The following MACROD2 variants were observed in gnomAD, a reference collection of about 807,000 sequenced individuals.
MACROD2 encodes the protein ADP-ribose glycohydrolase MACROD2.
In MACROD2, 36 loss-of-function variants were observed where a neutral mutation model predicts 70.4. The ratio of observed to expected loss-of-function variants is 0.51; its 90% CI spans 0.39 to 0.68. The LOEUF (loss-of-function observed/expected upper bound fraction) is 0.68, where lower values mean the gene tolerates loss of function less well. Ranked by LOEUF, MACROD2 falls within the 30% of genes least tolerant of loss-of-function variation. The pLI is 0.00. For synonymous variants in MACROD2, 172 were observed against 178.8 expected (o/e 0.96, Z 0.30); for missense variants, 496 against 538.4 (o/e 0.92, Z 0.78).
chr20:15,896,042 T>C (rs149170142), intron 10 of MACROD2, among the ~76,000 whole-genome samples: 269 of 152,358 alleles, frequency 1.8e-3, no homozygotes, highest in Non-Finnish European at 2.6e-3. Context: ...CAATCATTCT[T>C]TCCTAGTGGA....
chr20:14,747,189 G>A (rs780728852), intron 5 of MACROD2, among the ~76,000 whole-genome samples: 78 of 152,238 alleles, frequency 5.1e-4, no homozygotes, highest in Non-Finnish European at 1.0e-3. Flanking sequence ...CTGTCAGTAG[G>A]AGTGAGAACT....
At chr20:15,148,807 G>A (rs1440831584) in intron 5 of MACROD2, among the ~76,000 whole-genome samples, 1 of 152,036 alleles carries the variant, frequency 6.6e-6, no homozygotes, top group African/African-American at 2.4e-5. Context: ...TGAGCTTGGT[G>A]AGGTGTGTTT....
intron 5 of MACROD2, among the ~76,000 whole-genome samples, chr20:15,165,400 G>A (rs1265851908): frequency 6.6e-6 from 1 of 152,228 alleles, no homozygotes; most frequent in Non-Finnish European, 1.5e-5. Context: ...AGGTTGCAGT[G>A]AGCCAAGATT....
chr20:15,497,325 C>A (rs569668172), intron 7 of MACROD2, among the ~76,000 whole-genome samples: 1 of 151,966 alleles, frequency 6.6e-6, no homozygotes, highest in Admixed American at 6.6e-5. Flanking sequence ...CAGAGTCTTG[C>A]TCTGTTGCCC....
At chr20:15,498,474 GA>G (rs1286651223) in intron 7 of MACROD2, among the ~76,000 whole-genome samples, 4 of 152,004 alleles carry the variant, frequency 2.6e-5, no homozygotes, top group Non-Finnish European at 5.9e-5. Flanking sequence ...GCCGTATAAG[GA>G]AAAAAAGAGG....
At chr20:15,434,410 G>C in intron 7 of MACROD2, among the ~76,000 whole-genome samples, 1 of 143,570 alleles carries the variant, frequency 7.0e-6, no homozygotes, top group South Asian at 2.1e-4. Context: ...CAACAAACAT[G>C]TGAAAAAATG....
Position 15,175,447 on chromosome 20 carries a change from TA to T in MACROD2, c.419-54486del, listed in dbSNP as rs1158022760. ...GTATAATAATAATAAAAATAAAATT[TA>T]AAAAAAGATATGCATGGCAAACTTT... On this transcript the variant is annotated intron_variant, in intron 5 of 17. Transcript: ENST00000684519. Among the ~76,000 whole-genome samples the T allele has an allele frequency of 1.5e-4, 23 of 151,592 alleles. 2 individuals carry two copies. The South Asian group carries it at 4.0e-3, about 26-fold the overall frequency.
intron 5 of MACROD2, among the ~76,000 whole-genome samples, chr20:15,095,038 A>G (rs967064470): frequency 2.8e-4 from 29 of 104,328 alleles, no homozygotes; most frequent in African/African-American, 1.0e-3. Flanking sequence ...AATCATTGTT[A>G]TATCTTTTCA....
intron 4 of MACROD2, among the ~76,000 whole-genome samples, chr20:14,608,777 G>C (rs1045005196): frequency 6.6e-6 from 1 of 152,124 alleles, no homozygotes; most frequent in Admixed American, 6.6e-5. Flanking sequence ...AAAATTGAAT[G>C]GGTAATTGGG....
chr20:14,820,773 A>C (rs774206224), intron 5 of MACROD2, among the ~76,000 whole-genome samples: 3 of 151,938 alleles, frequency 2.0e-5, no homozygotes. Context: ...ATTGATTCAT[A>C]GGGATTTTAC....
chr20:15,000,629 C>CAAAAAAAAA lies in MACROD2; in HGVS notation c.419-229287_419-229279dup, dbSNP rs398040701. 6.8e-4 allele frequency among the ~76,000 whole-genome samples: 15 copies of CAAAAAAAAA among 21,980 alleles called. 1 individual carries two copies. Among genetic ancestry groups the CAAAAAAAAA allele is most frequent in the African/African-American group, 1.2e-3 (5 of 4,160 alleles). 14.4% of individuals were successfully genotyped at this position (21,980 alleles called of 152,430 possible). A position where few individuals can be genotyped will look rare whatever the true frequency, so the allele number is the denominator to read the frequency against. On this transcript the variant is annotated intron_variant, in intron 5 of 17. Coordinates refer to ENST00000684519, the MANE Select transcript of MACROD2 (RefSeq NM_001351661.2). ...TGGGCGACAGAGCGAGACTCCGTCT[C>CAAAAAAAAA]AAAAAAAAAAAAAAAAAAAAAAAAA...
chr20:15,897,196 G>A (rs2064986071), intron 10 of MACROD2, among the ~76,000 whole-genome samples: 1 of 152,094 alleles, frequency 6.6e-6, no homozygotes, highest in Non-Finnish European at 1.5e-5. Flanking sequence ...CAGTATTGGT[G>A]GGTAAAAATT....
intron 3 of MACROD2, among the ~76,000 whole-genome samples, chr20:14,378,502 A>C (rs1344443778): frequency 6.6e-6 from 1 of 152,176 alleles, no homozygotes; most frequent in African/African-American, 2.4e-5. Context: ...CCTCTGCTGC[A>C]ATTGCATCAC....
intron 7 of MACROD2, among the ~76,000 whole-genome samples, chr20:15,464,169 A>G (rs1165961802): frequency 1.3e-5 from 2 of 152,124 alleles, no homozygotes; most frequent in East Asian, 3.9e-4. Flanking sequence ...ATGCGCCACC[A>G]TGCCTGGCTA....
At chr20:14,701,880 GAT>G (rs2071201014) in intron 5 of MACROD2, among the ~76,000 whole-genome samples, 1 of 152,110 alleles carries the variant, frequency 6.6e-6, no homozygotes, top group Non-Finnish European at 1.5e-5. Flanking sequence ...AACCCTCTGT[GAT>G]AGTTACTGTT....
chr20:14,555,581 A>G (rs906852208), intron 4 of MACROD2, among the ~76,000 whole-genome samples: 2 of 152,020 alleles, frequency 1.3e-5, no homozygotes, highest in Non-Finnish European at 2.9e-5. Flanking sequence ...TGAGTAGCTT[A>G]CTCAAGGTTG....
chr20:14,053,307 A>T (rs760010683), intron 2 of MACROD2: 1 of 152,114 alleles, frequency 6.6e-6, no homozygotes, highest in Non-Finnish European at 1.5e-5. Context: ...CCTAGAGTGA[A>T]TGAAGGTAGA....
rs370951405 is a variant in MACROD2, at chr20:15,627,388, G to A, written c.645+127541G>A. On this transcript the variant is annotated intron_variant, in intron 8 of 17. Coordinates refer to ENST00000684519, the MANE Select transcript of MACROD2 (RefSeq NM_001351661.2). ...GCACAAATAAAGACCACGGCATTGC[G>A]GTAAAGAAAGAGTTTAATTGACGTG... Among the ~76,000 whole-genome samples the A allele has an allele frequency of 2.4e-4, 37 of 152,228 alleles. No individual in the cohort carries two copies. The South Asian group carries it at 3.1e-3, about 13-fold the overall frequency.
rs569600317 is a variant in MACROD2 at position 15,457,503 on chromosome 20, T to A, written c.571+26068T>A. On this transcript the variant is annotated intron_variant, in intron 7 of 17. Coordinates refer to ENST00000684519, the MANE Select transcript of MACROD2 (RefSeq NM_001351661.2). ...AGGTGGAAATATAAGGCAACTGGAT[T>A]TGCCTGCCCAGAGAATGAGGAGCCT... 2.6e-5 allele frequency among the ~76,000 whole-genome samples: 4 copies of A among 152,242 alleles called. No individual in the cohort carries two copies. The South Asian group carries it at 8.3e-4, about 32-fold the overall frequency.
Sources: allele counts gnomAD v4.1 joint callset (sites outside exome capture counted in the v4.1 genomes callset), GRCh38; gene constraint gnomAD v4.1.1; transcripts MANE v1.5; gene names NCBI Gene and HGNC (gene_info 2026-07-23, HGNC 2026-07-21).